The following CAMTA1 variants were observed in gnomAD, a reference collection of about 807,000 sequenced individuals.
CAMTA1 encodes the protein calmodulin-binding transcription activator 1.
In CAMTA1, 27 loss-of-function variants were observed where a neutral mutation model predicts 170.9. The observed-to-expected ratio is 0.16, with a 90% CI of 0.12 to 0.22. CAMTA1 has a LOEUF of 0.22. CAMTA1 is among the 10% of genes least tolerant of loss of function. The pLI, the probability that CAMTA1 is intolerant of heterozygous loss-of-function variation, is 1.00. For synonymous variants in CAMTA1, 833 were observed against 891.5 expected (o/e 0.93, Z 1.17); for missense variants, 1,619 against 2,217.2 (o/e 0.73, Z 5.42).
In CAMTA1 at chr1:7,547,974, AT is replaced by A. The variant is rs2094722610; in HGVS notation, c.510+80075del. On this transcript the variant is annotated intron_variant, in intron 6 of 22. Transcript: ENST00000303635. The surrounding 1 kb of genome is among the most constrained non-coding windows in gnomAD (Gnocchi z 5.7). ...CTCAGGGGAAACAGTGACGTGATTG[AT>A]TAGTAATGTCTGCCATGAACAGAGG... Among the ~76,000 whole-genome samples, 1 of 152,208 alleles carries A rather than the reference AT, an allele frequency of 6.6e-6. No homozygotes were observed. Among genetic ancestry groups the A allele is most frequent in the Admixed American group, 6.5e-5 (1 of 15,284 alleles).
intron 7 of CAMTA1, among the ~76,000 whole-genome samples, chr1:7,649,756 G>A (rs371647065): frequency 5.6e-4 from 85 of 152,316 alleles, no homozygotes; most frequent in African/African-American, 1.6e-3. Flanking sequence ...AGCTGCTTCC[G>A]TGACAGGAGA....
chr1:7,315,456 C>T (rs192347242), intron 5 of CAMTA1, among the ~76,000 whole-genome samples: 1 of 152,216 alleles, frequency 6.6e-6, no homozygotes, highest in Non-Finnish European at 1.5e-5. Context: ...ACTGGTTCAG[C>T]AGCTCAGGGT....
At chr1:7,121,128 G>A (rs1034513646) in intron 4 of CAMTA1, among the ~76,000 whole-genome samples, 1 of 152,206 alleles carries the variant, frequency 6.6e-6, no homozygotes, top group Non-Finnish European at 1.5e-5. Context: ...ACATTACCTG[G>A]AGGATCGAAT....
intron 5 of CAMTA1, among the ~76,000 whole-genome samples, chr1:7,407,822 A>G (rs1284480831): frequency 6.6e-6 from 1 of 151,992 alleles, no homozygotes; most frequent in Non-Finnish European, 1.5e-5. Flanking sequence ...ATCGCAGGGC[A>G]TTGGGGGCCT....
intron 1 of CAMTA1, among the ~76,000 whole-genome samples, chr1:6,793,025 TTATATATATATACCCCACTCTTA>T (rs1368341429): frequency 2.6e-5 from 4 of 151,828 alleles, no homozygotes; most frequent in African/African-American, 4.8e-5. Flanking sequence ...CATATATATC[TTATATATATATACCCCACTCTTA>T]TATATATATA....
chr1:6,961,330 A>T (rs1449072740), intron 3 of CAMTA1, among the ~76,000 whole-genome samples: 1 of 152,204 alleles, frequency 6.6e-6, no homozygotes, highest in African/African-American at 2.4e-5. Flanking sequence ...GGACTGACCT[A>T]GCGGGAACTG....
At chr1:7,330,333 G>A (rs1256940020) in intron 5 of CAMTA1, among the ~76,000 whole-genome samples, 1 of 152,214 alleles carries the variant, frequency 6.6e-6, no homozygotes, top group African/African-American at 2.4e-5. Flanking sequence ...GCCCGCTCTT[G>A]TTTGGACCAC....
rs2092091585 is a variant in CAMTA1, at chr1:7,430,236, A to G, written c.439-37594A>G. The stretch of plus-strand genomic sequence containing the variant: ...GGTGATTATGGTGGTGATGATGATG[A>G]TGGTGGTGAATCTGCTGCTGATGAT... On this transcript the variant is annotated intron_variant, in intron 5 of 22. Transcript: ENST00000303635. Among the ~76,000 whole-genome samples the G allele has an allele frequency of 2.0e-5, 3 of 150,714 alleles. No homozygotes were observed. In the South Asian group the frequency reaches 6.3e-4, roughly 32 times the overall value.
chr1:7,766,080 A>T (rs190894780), intron 22 of CAMTA1, among the ~76,000 whole-genome samples: 7 of 152,158 alleles, frequency 4.6e-5, no homozygotes, highest in Admixed American at 3.3e-4. Flanking sequence ...CCTAATTTAC[A>T]TCATACAGAG....
intron 4 of CAMTA1, among the ~76,000 whole-genome samples, chr1:7,175,568 G>C (rs6687729): frequency 0.25 from 37,308 of 152,246 alleles, 4,649 homozygotes; most frequent in Admixed American, 0.29. Flanking sequence ...TTTCCAAATA[G>C]TGCAGGAATT....
At chr1:6,916,448 T>A (rs925576521) in intron 3 of CAMTA1, among the ~76,000 whole-genome samples, 1 of 151,952 alleles carries the variant, frequency 6.6e-6, no homozygotes, top group South Asian at 2.1e-4. Context: ...CAGGCTGCTC[T>A]CCCCCAGCAT....
At chr1:7,420,158 G>A (rs543402386) in intron 5 of CAMTA1, among the ~76,000 whole-genome samples, 2 of 152,172 alleles carry the variant, frequency 1.3e-5, no homozygotes, top group South Asian at 4.2e-4. Flanking sequence ...TTCTCCACGC[G>A]TGCCCCTCCT....
chr1:6,833,409 A>G (rs12409798), intron 3 of CAMTA1, among the ~76,000 whole-genome samples: 18,538 of 152,244 alleles, frequency 0.12, 1,689 homozygotes, highest in Admixed American at 0.28. Context: ...ACTCAGATAT[A>G]TGCATTACAT....
chr1:6,828,202 C>T (rs1199482106), intron 3 of CAMTA1, among the ~76,000 whole-genome samples: 1 of 151,318 alleles, frequency 6.6e-6, no homozygotes, highest in Non-Finnish European at 1.5e-5. Flanking sequence ...TTCCTTTACT[C>T]AGACCTGTGT....
intron 4 of CAMTA1, among the ~76,000 whole-genome samples, chr1:7,225,257 A>G (rs573352257): frequency 6.6e-6 from 1 of 151,942 alleles, no homozygotes; most frequent in Non-Finnish European, 1.5e-5. Context: ...GCTAATTTTT[A>G]TATTTTTTAG....
At chr1:7,411,883 T>C (rs576524230) in intron 5 of CAMTA1, among the ~76,000 whole-genome samples, 59 of 151,626 alleles carry the variant, frequency 3.9e-4, no homozygotes, top group Non-Finnish European at 7.1e-4. Flanking sequence ...GCATTAGGTA[T>C]ATCTCCTAAT....
chr1:7,423,898 T>A (rs2091729243), intron 5 of CAMTA1, among the ~76,000 whole-genome samples: 1 of 152,176 alleles, frequency 6.6e-6, no homozygotes, highest in South Asian at 2.1e-4. Context: ...GGGGAGGGAC[T>A]CTGAATGCTG....
intron 4 of CAMTA1, among the ~76,000 whole-genome samples, chr1:7,166,959 C>T (rs534278554): frequency 1.5e-4 from 22 of 151,636 alleles, no homozygotes; most frequent in Non-Finnish European, 2.7e-4. Context: ...TACAGGTACC[C>T]GCCACCCCGC....
intron 3 of CAMTA1, among the ~76,000 whole-genome samples, chr1:6,883,674 T>G (rs1430491182): frequency 2.0e-5 from 3 of 150,586 alleles, no homozygotes; most frequent in Non-Finnish European, 3.0e-5. Context: ...GATCGAGGAG[T>G]TGTTGGAGTT....
Sources: allele counts gnomAD v4.1 joint callset (sites outside exome capture counted in the v4.1 genomes callset), GRCh38; gene constraint gnomAD v4.1.1; non-coding constraint Gnocchi (gnomAD v3.1); transcripts MANE v1.5; gene names NCBI Gene and HGNC (gene_info 2026-07-23, HGNC 2026-07-21).